Variants in FIGN observed in about 807,000 individuals in gnomAD.
FIGN encodes fidgetin.
FIGN carries 11 observed loss-of-function variants against 51.3 expected under a neutral mutation model. The ratio of observed to expected loss-of-function variants is 0.21; its 90% CI spans 0.13 to 0.35. The LOEUF is 0.35. Ranked by LOEUF, FIGN falls within the 10% of genes least tolerant of loss-of-function variation. The pLI is 1.00. For missense variants in FIGN, 857 were observed against 943.6 expected (o/e 0.91, Z 1.20); for synonymous variants, 407 against 363.2 (o/e 1.12, Z -1.37).
chr2:163,648,106 T>G (rs1683411288), intron 2 of FIGN, among the ~76,000 whole-genome samples: 1 of 152,016 alleles, frequency 6.6e-6, no homozygotes, highest in Non-Finnish European at 1.5e-5. Context: ...AGCTACTACT[T>G]GTCAGAGTTG....
chr2:163,669,302 C>T (rs572394421), intron 2 of FIGN, among the ~76,000 whole-genome samples: 1 of 152,164 alleles, frequency 6.6e-6, no homozygotes, highest in Non-Finnish European at 1.5e-5. Context: ...CCTTCAACCT[C>T]TCAGGCTCAA....
chr2:163,715,006 T>C (rs1684646976), intron 2 of FIGN, among the ~76,000 whole-genome samples: 1 of 152,234 alleles, frequency 6.6e-6, no homozygotes, highest in African/African-American at 2.4e-5. Flanking sequence ...CATTGTGTGC[T>C]TCCTTTCAAC....
chr2:163,713,374 G>T (rs1182331531), intron 2 of FIGN, among the ~76,000 whole-genome samples: 1 of 151,950 alleles, frequency 6.6e-6, no homozygotes, highest in African/African-American at 2.4e-5. Context: ...GTGCTGTAAA[G>T]AAATGCCTAA....
chr2:163,635,690 A>G lies in FIGN; in HGVS notation c.26-23884T>C, dbSNP rs376158124. Among the ~76,000 whole-genome samples the G allele has an allele frequency of 3.3e-5, 5 of 152,326 alleles. No individual in the cohort carries two copies. In the East Asian group the frequency reaches 7.7e-4, roughly 24 times the overall value. ...ATTTGCATCCTATTTGTAAAACTCT[A>G]TTAACAGAGCGTATACCATGACTGG... is the stretch of plus-strand genomic sequence containing the variant. On this transcript the variant is annotated intron_variant, in intron 2 of 2. Coordinates refer to ENST00000333129, the MANE Select transcript of FIGN (RefSeq NM_018086.4).
chr2:163,640,047 T>G (rs992490336), intron 2 of FIGN, among the ~76,000 whole-genome samples: 1 of 152,172 alleles, frequency 6.6e-6, no homozygotes. Context: ...GCTGGATACC[T>G]TCATATACTT....
intron 2 of FIGN, among the ~76,000 whole-genome samples, chr2:163,716,854 T>C (rs1242880869): frequency 1.3e-5 from 2 of 152,162 alleles, no homozygotes; most frequent in Admixed American, 1.3e-4. Flanking sequence ...CTAAAGCAAG[T>C]GACCTCTTAC....
intron 2 of FIGN, among the ~76,000 whole-genome samples, chr2:163,675,986 C>A (rs1412071275): frequency 6.6e-6 from 1 of 151,596 alleles, no homozygotes; most frequent in Non-Finnish European, 1.5e-5. Flanking sequence ...AGGGTATCAA[C>A]AAGCATGGCC....
chr2:163,729,770 A>G (rs1684896652), intron 2 of FIGN, among the ~76,000 whole-genome samples: 1 of 152,174 alleles, frequency 6.6e-6, no homozygotes, highest in African/African-American at 2.4e-5. Flanking sequence ...ATGAGCAAAC[A>G]TATCCATTTA....
At chr2:163,660,693 ACATATATATG>A in intron 2 of FIGN, among the ~76,000 whole-genome samples, 1 of 123,700 alleles carries the variant, frequency 8.1e-6, no homozygotes, top group Admixed American at 9.5e-5. Flanking sequence ...ATACACATAT[ACATATATATG>A]TATACACATA....
intron 2 of FIGN, among the ~76,000 whole-genome samples, chr2:163,729,627 T>C (rs1008106159): frequency 5.9e-5 from 9 of 152,300 alleles, no homozygotes; most frequent in African/African-American, 1.9e-4. Context: ...AGCTGAGCTA[T>C]AGGGTAAAAA....
At chr2:163,635,522 T>G (rs1306704056) in intron 2 of FIGN, among the ~76,000 whole-genome samples, 4 of 152,184 alleles carry the variant, frequency 2.6e-5, no homozygotes, top group African/African-American at 9.6e-5. Flanking sequence ...GTGAGCTGAT[T>G]GTACTACTGC....
At chr2:163,699,213 G>C (rs553784184) in intron 2 of FIGN, among the ~76,000 whole-genome samples, 1 of 152,212 alleles carries the variant, frequency 6.6e-6, no homozygotes, top group South Asian at 2.1e-4. Flanking sequence ...GAAGTTTTTA[G>C]TTGTTAGAAC....
chr2:163,674,083 C>T (rs1683920812), intron 2 of FIGN, among the ~76,000 whole-genome samples: 1 of 152,182 alleles, frequency 6.6e-6, no homozygotes, highest in African/African-American at 2.4e-5. Context: ...AAAATCAGAA[C>T]CCTGGTTTTC....
rs564552894 is a variant in FIGN, at chr2:163,603,298, A to G, written c.*6254T>C. On this transcript the variant is annotated 3_prime_UTR_variant, in exon 3 of 3. Transcript: ENST00000333129. The stretch of plus-strand genomic sequence containing the variant: ...CAGTACTAGAATAACCCAAAGAAAC[A>G]TGTACTATATAGGGCTTTTCTTCTT... 3.9e-5 allele frequency: 6 copies of G among 152,222 alleles called. No individual in the cohort carries two copies. In the South Asian group the frequency reaches 6.2e-4, roughly 16 times the overall value. The allele number at this position is 152,222 out of a possible 1,614,324, so 9.4% of individuals were successfully genotyped here.
At chr2:163,729,827 A>G (rs1260383628) in intron 2 of FIGN, among the ~76,000 whole-genome samples, 1 of 152,208 alleles carries the variant, frequency 6.6e-6, no homozygotes, top group Non-Finnish European at 1.5e-5. Flanking sequence ...TCTCCTTTGG[A>G]TTTACTGCTT....
chr2:163,707,104 G>A (rs892471483), intron 2 of FIGN, among the ~76,000 whole-genome samples: 2 of 151,908 alleles, frequency 1.3e-5, no homozygotes, highest in Admixed American at 6.6e-5. Context: ...AAAACATTCA[G>A]GAAGAAAACA....
In FIGN at chr2:163,696,377, G is replaced by C. The variant is rs7587605; in HGVS notation, c.25+38526C>G. On this transcript the variant is annotated intron_variant, in intron 2 of 2. Transcript: ENST00000333129. ...TGAAACAGACTAGAAAAAAGTAAAT[G>C]ACTTAGAAATTAGCAACCTATTCTA... Among the ~76,000 whole-genome samples, 664 of 152,160 alleles carry C rather than the reference G, an allele frequency of 4.4e-3. 9 individuals are homozygous for C. In the East Asian group the frequency reaches 0.059, roughly 14 times the overall value.
At chr2:163,674,603 G>T (rs1683928455) in intron 2 of FIGN, among the ~76,000 whole-genome samples, 1 of 152,208 alleles carries the variant, frequency 6.6e-6, no homozygotes, top group Non-Finnish European at 1.5e-5. Context: ...AAACTGAAAT[G>T]ATTTGGGGGC....
chr2:163,730,477 G>A (rs937975006), intron 2 of FIGN, among the ~76,000 whole-genome samples: 1 of 150,856 alleles, frequency 6.6e-6, no homozygotes, highest in Non-Finnish European at 1.5e-5. Context: ...AATAATATAG[G>A]TACAATCTCT....
Sources: gnomAD v4.1 joint callset for allele counts (sites outside exome capture counted in the v4.1 genomes callset) on GRCh38, gnomAD v4.1.1 for gene constraint, MANE v1.5 for transcripts, NCBI Gene and HGNC (gene_info 2026-07-23, HGNC 2026-07-21) for gene names.